Variants in RPTOR observed in about 807,000 individuals in gnomAD.
The protein encoded by RPTOR is regulatory associated protein of MTOR complex 1, also known as regulatory-associated protein of mTOR.
In RPTOR, 21 loss-of-function variants were observed where a neutral mutation model predicts 169.9. That is an observed-to-expected ratio of 0.12 (90% CI 0.09 to 0.18). The LOEUF (loss-of-function observed/expected upper bound fraction) is 0.18, where lower values mean the gene tolerates loss of function less well. RPTOR is among the 10% of genes least tolerant of loss of function. The probability of loss-of-function intolerance (pLI) is 1.00; values close to 1 mark genes in which losing one functional copy is unlikely to be tolerated. For synonymous variants in RPTOR, 732 were observed against 753.2 expected, an observed-to-expected ratio of 0.97 and a Z score of 0.46; for missense variants, 1,133 against 1,855.9, an observed-to-expected ratio of 0.61 and a Z score of 7.16.
chr17:80,905,654 C>A (rs1482205119), intron 20 of RPTOR, among the ~76,000 whole-genome samples: 1 of 152,138 alleles, frequency 6.6e-6, no homozygotes, highest in Admixed American at 6.5e-5. Context: ...CACACACCCC[C>A]ACCCCGCCCT....
intron 4 of RPTOR, among the ~76,000 whole-genome samples, chr17:80,716,386 A>G (rs984064073): frequency 9.9e-5 from 15 of 151,864 alleles, no homozygotes; most frequent in South Asian, 2.1e-4. Context: ...ATAATTGTCT[A>G]TTCATGTCCT....
rs2066545789 is a variant in RPTOR at position 80,744,627 on chromosome 17, AGAG to A, written c.655-9382_655-9380del. 4.8e-5 allele frequency among the ~76,000 whole-genome samples: 2 copies of A among 41,344 alleles called. 1 individual carries two copies. Among genetic ancestry groups the A allele is most frequent in the Non-Finnish European group, 9.7e-5 (2 of 20,580 alleles). The allele number at this position is 41,344 out of a possible 152,430, so 27.1% of individuals were successfully genotyped here. ...TACTAGCACAGCCCTGGTTACTAGC[AGAG>A]CCCTGGCTACTAGCACTCTCCTGGT... On this transcript the variant is annotated intron_variant, in intron 5 of 33. Coordinates refer to ENST00000306801, the MANE Select transcript of RPTOR (RefSeq NM_020761.3).
intron 9 of RPTOR, among the ~76,000 whole-genome samples, chr17:80,828,770 G>T (rs1009578865): frequency 1.3e-5 from 2 of 152,244 alleles, no homozygotes; most frequent in African/African-American, 2.4e-5. Flanking sequence ...CCATTTGTCA[G>T]AACATTGGTT....
intron 9 of RPTOR, among the ~76,000 whole-genome samples, chr17:80,828,735 T>G (rs2067472157): frequency 6.6e-6 from 1 of 152,206 alleles, no homozygotes; most frequent in Admixed American, 6.5e-5. Flanking sequence ...TAATGGGATG[T>G]TCTGAAAGAC....
rs369479284 is a variant in RPTOR, at chr17:80,955,779, A to T, written c.3371-1845A>T. On this transcript the variant is annotated intron_variant, in intron 28 of 33. Transcript: ENST00000306801. Reference sequence around the variant, plus strand: ...GATGGTCACCCATTTGGGGAATGAAATGGCCTTCCCTGGGGAGATCAGAGT... The same window carrying T: ...GATGGTCACCCATTTGGGGAATGAATTGGCCTTCCCTGGGGAGATCAGAGT... Among the ~76,000 whole-genome samples, 81 of 152,254 alleles carry T rather than the reference A, an allele frequency of 5.3e-4. 1 individual carries two copies. In the South Asian group the frequency reaches 0.011, roughly 21 times the overall value.
In RPTOR at chr17:80,746,765, A is replaced by G. The variant is rs191663545; in HGVS notation, c.655-7245A>G. On this transcript the variant is annotated intron_variant, in intron 5 of 33. Coordinates refer to ENST00000306801, the MANE Select transcript of RPTOR (RefSeq NM_020761.3). This position sits in a 1 kb window ranked among gnomAD's most constrained non-coding sequence, Gnocchi z 4.5. ...AGGCCTGTTTCTGAAAGATAGTTTC[A>G]ATTACGGGGTCAATATCTTAGGTAG... Among the ~76,000 whole-genome samples the G allele has an allele frequency of 2.0e-5, 3 of 152,284 alleles. No individual in the cohort carries two copies. In the East Asian group the frequency reaches 5.8e-4, roughly 29 times the overall value.
intron 25 of RPTOR, among the ~76,000 whole-genome samples, chr17:80,944,942 G>A (rs9895698): frequency 0.019 from 2,792 of 145,242 alleles, 92 homozygotes; most frequent in African/African-American, 0.068. Context: ...AGTGAGCCAA[G>A]ATCACACCAC....
intron 6 of RPTOR, among the ~76,000 whole-genome samples, chr17:80,762,947 C>T (rs981685991): frequency 5.3e-5 from 8 of 152,270 alleles, no homozygotes; most frequent in East Asian, 1.9e-4. Context: ...TAACTGTAAA[C>T]GAATTGAATT....
intron 3 of RPTOR, among the ~76,000 whole-genome samples, chr17:80,677,254 A>G (rs563637039): frequency 6.6e-6 from 1 of 152,154 alleles, no homozygotes; most frequent in Non-Finnish European, 1.5e-5. Flanking sequence ...CTTCAATTCT[A>G]TGCTCTTCAG....
intron 24 of RPTOR, among the ~76,000 whole-genome samples, chr17:80,927,005 G>A (rs1049570597): frequency 2.0e-5 from 3 of 152,258 alleles, no homozygotes; most frequent in Non-Finnish European, 4.4e-5. Flanking sequence ...CTTACCTGCG[G>A]GTGGCATGAG....
In RPTOR at chr17:80,707,829, C is replaced by A; in HGVS notation, c.349-12C>A. 1 of 1,606,504 alleles carries A rather than the reference C, an allele frequency of 6.2e-7. No homozygotes were observed. The highest frequency in any genetic ancestry group is 1.1e-5 in the South Asian group (1 of 90,744). On this transcript the variant is annotated splice_polypyrimidine_tract_variant and intron_variant, in intron 3 of 33. Transcript: ENST00000306801. This position sits in a 1 kb window ranked among gnomAD's most constrained non-coding sequence, Gnocchi z 5.0. ...TCCGTGGTAAATTTCTTCATTTCTT[C>A]TCCTGCAACAGGCCCGGTACAAGCA...
intron 20 of RPTOR, among the ~76,000 whole-genome samples, chr17:80,903,906 A>G (rs939805161): frequency 5.9e-5 from 9 of 152,268 alleles, no homozygotes; most frequent in Non-Finnish European, 7.3e-5. Context: ...TTCACAACCC[A>G]GAAACTGGAG....
intron 16 of RPTOR, 47 bp from the exon 17 acceptor site, chr17:80,884,961 G>A (rs2143843836): frequency 6.3e-7 from 1 of 1,579,462 alleles, no homozygotes; most frequent in East Asian, 2.3e-5. Context: ...GCAGGCTGCA[G>A]CATGGCCCGG....
intron 6 of RPTOR, among the ~76,000 whole-genome samples, chr17:80,769,255 G>A (rs541924473): frequency 2.0e-4 from 30 of 152,284 alleles, no homozygotes; most frequent in African/African-American, 6.5e-4. Flanking sequence ...TCCAGGAGAC[G>A]TTAGCCTCTT....
chr17:80,892,042 T>G (rs1028283946), intron 18 of RPTOR, among the ~76,000 whole-genome samples: 2 of 152,166 alleles, frequency 1.3e-5, no homozygotes, highest in African/African-American at 4.8e-5. Flanking sequence ...CCTCTTACAT[T>G]TTTCCTTTCT....
chr17:80,577,161 A>G (rs2064971450), intron 1 of RPTOR, among the ~76,000 whole-genome samples: 2 of 151,480 alleles, frequency 1.3e-5, no homozygotes, highest in African/African-American at 4.9e-5. Flanking sequence ...CCTCCCAAGT[A>G]GCTGAAATTA....
intron 3 of RPTOR, among the ~76,000 whole-genome samples, chr17:80,679,833 C>G (rs1299006180): frequency 1.3e-5 from 2 of 152,270 alleles, no homozygotes; most frequent in African/African-American, 4.8e-5. Context: ...TCTGCTTTCT[C>G]TTCTTCCCAA....
Position 80,746,945 on chromosome 17 carries a change from C to T in RPTOR, c.655-7065C>T, listed in dbSNP as rs963002216. Among the ~76,000 whole-genome samples the T allele has an allele frequency of 2.1e-5, 3 of 142,618 alleles. No homozygotes were observed. The highest frequency in any genetic ancestry group is 5.1e-5 in the African/African-American group (2 of 39,514). 93.6% of individuals were successfully genotyped at this position (142,618 alleles called of 152,430 possible). On this transcript the variant is annotated intron_variant, in intron 5 of 33. Transcript: ENST00000306801. This position sits in a 1 kb window ranked among gnomAD's most constrained non-coding sequence, Gnocchi z 4.5. ...AAAAATGCTAGGTTCTGGGTGGGTGCGGTGGGTCAGGCCTGTAACCCCAGA... is the reference window on the plus strand; with the variant it reads ...AAAAATGCTAGGTTCTGGGTGGGTGTGGTGGGTCAGGCCTGTAACCCCAGA...
chr17:80,798,697 C>T (rs1598311355), intron 7 of RPTOR, among the ~76,000 whole-genome samples: 1 of 152,278 alleles, frequency 6.6e-6, no homozygotes, highest in East Asian at 1.9e-4. Flanking sequence ...AGGGCTGAGC[C>T]AAGGGGGGGC....
Sources: allele counts gnomAD v4.1 joint callset (sites outside exome capture counted in the v4.1 genomes callset), GRCh38; gene constraint gnomAD v4.1.1; non-coding constraint Gnocchi (gnomAD v3.1); transcripts MANE v1.5; gene names NCBI Gene and HGNC (gene_info 2026-07-23, HGNC 2026-07-21).